IDUA: variants seen among roughly 807,000 people sequenced by gnomAD.
IDUA encodes the protein iduronidase alpha-L-.
A neutral mutation model predicts 68.9 loss-of-function variants in IDUA; 65 were observed. The ratio of observed to expected loss-of-function variants is 0.94; its 90% CI spans 0.77 to 1.16. The LOEUF (loss-of-function observed/expected upper bound fraction) is 1.16, where lower values mean the gene tolerates loss of function less well. Among genes scored for constraint, IDUA ranks in the 50% most tolerant of loss-of-function variants. IDUA has a pLI of 0.00. For synonymous variants in IDUA, 529 were observed against 433.6 expected, an observed-to-expected ratio of 1.22 and a Z score of -2.73; for missense variants, 1,046 against 938.0, an observed-to-expected ratio of 1.12 and a Z score of -1.50.
Position 987,911 on chromosome 4 carries a change from G to A in IDUA, c.261G>A (p.Gln87=), listed in dbSNP as rs766726384. ...CCGTCCCTCACCGCGGCATCAAGCA[G>A]GTCCGGACCCACTGGCTGCTGGAGC... is the stretch of plus-strand genomic sequence containing the variant. ...VGAVPHRGIK[Q]VRTHWLLELV... Residue 87 remains glutamine, a synonymous_variant, in exon 2 of 14, where the codon CAG becomes CAA. Transcript: ENST00000514224. 2 of 1,604,792 alleles carry A rather than the reference G, an allele frequency of 1.2e-6. No homozygotes were observed. Among genetic ancestry groups the A allele is most frequent in the East Asian group, 2.3e-5 (1 of 44,394 alleles).
rs752471622 is a variant in IDUA at position 990,153 on chromosome 4, G to A, written c.299+2204G>A. On this transcript the variant is annotated intron_variant, in intron 2 of 13. Coordinates refer to ENST00000514224, the MANE Select transcript of IDUA (RefSeq NM_000203.5). ...GGCACACCGTGCTGGTGACCACGTC[G>A]CACACGTTGGCCTGCCCGGCGCCGC... 1.2e-5 allele frequency: 18 copies of A among 1,563,906 alleles called. No individual in the cohort carries two copies. The East Asian group carries it at 1.7e-4, about 14-fold the overall frequency.
Position 1,002,571 on chromosome 4 carries a change from C to T in IDUA, c.1189+86C>T, listed in dbSNP as rs377511020. On this transcript the variant is annotated intron_variant, in intron 8 of 13. Transcript: ENST00000514224. ...CGAAGGCCCCGCTGCGGGGAGCGCACTTCCTCCAGCCGCGCGCTTCCCGGG... is the reference window on the plus strand; with the variant it reads ...CGAAGGCCCCGCTGCGGGGAGCGCATTTCCTCCAGCCGCGCGCTTCCCGGG... 632 of 1,290,874 alleles carry T rather than the reference C, an allele frequency of 4.9e-4. 4 individuals carry two copies. In the Middle Eastern group the frequency reaches 5.0e-3, roughly 10 times the overall value. 80.0% of individuals were successfully genotyped at this position (1,290,874 alleles called of 1,614,324 possible).
intron 8 of IDUA, 86 bp from the exon 9 acceptor site, chr4:1,002,646 G>T: frequency 1.7e-6 from 2 of 1,197,168 alleles, no homozygotes; most frequent in Non-Finnish European, 2.3e-6. Context: ...AAGGGGAGGG[G>T]GAGCGAGTGG....
chr4:990,865 A>G, intron 2 of IDUA: 2 of 492,536 alleles, frequency 4.1e-6, no homozygotes, highest in Admixed American at 7.4e-5. Context: ...CCACAGCCAC[A>G]CCTGGCCTGC....
rs1715312209 is a variant in IDUA, at chr4:1,004,304, T to C, written c.1873T>C (p.Tyr625His). The C allele has an allele frequency of 6.2e-7, 1 of 1,611,494 alleles. No individual in the cohort carries two copies. The highest frequency in any genetic ancestry group is 8.5e-7 in the Non-Finnish European group (1 of 1,179,954). The change falls in exon 14 of 14, where the codon TAC (tyrosine) becomes CAC (histidine). Residue 625 changes from tyrosine to histidine, a missense_variant. Tyr to His is a moderately conservative substitution (Grantham distance 83). Coordinates refer to ENST00000514224, the MANE Select transcript of IDUA (RefSeq NM_000203.5). The surrounding 1 kb of genome is among the most constrained non-coding windows in gnomAD (Gnocchi z 5.0). Reference protein sequence around the residue: ...SGSYRVRALDYWARPGPFSDP... With the variant: ...SGSYRVRALDHWARPGPFSDP... ...CTCCTACCGAGTTCGAGCCCTGGACTACTGGGCCCGACCAGGCCCCTTCTC... is the reference window on the plus strand; with the variant it reads ...CTCCTACCGAGTTCGAGCCCTGGACCACTGGGCCCGACCAGGCCCCTTCTC...
In IDUA at chr4:1,003,034, A is replaced by C; in HGVS notation, c.1403-2A>C. The C allele has an allele frequency of 6.7e-7, 1 of 1,494,316 alleles. No homozygotes were observed. Among genetic ancestry groups the C allele is most frequent in the Non-Finnish European group, 8.9e-7 (1 of 1,129,920 alleles). The allele number at this position is 1,494,316 out of a possible 1,614,324, so 92.6% of individuals were successfully genotyped here. ...CCGAGGCCTGAGTGTCAGGCCCCGC[A>C]GGCCTGGTCTACGTCACGCGCTACC... On this transcript the variant is annotated splice_acceptor_variant, in intron 9 of 13. Transcript: ENST00000514224. LOFTEE classifies it high-confidence loss of function.
rs1327654410 is a variant in IDUA, at chr4:1,002,719, C to G, written c.1190-13C>G. 6.9e-6 allele frequency: 10 copies of G among 1,451,996 alleles called. No individual in the cohort carries two copies. The South Asian group carries it at 1.0e-4, about 15-fold the overall frequency. 89.9% of individuals were successfully genotyped at this position (1,451,996 alleles called of 1,614,324 possible). ...ACGACCCCACGCGGCGACGGCCCCC[C>G]CCCGCCCCGCAGATGAGGAGCAGCT... On this transcript the variant is annotated splice_polypyrimidine_tract_variant and intron_variant, in intron 8 of 13. Transcript: ENST00000514224.
intron 1 of IDUA, 34 bp downstream of exon 1, chr4:987,276 C>T: frequency 2.0e-6 from 3 of 1,508,522 alleles, no homozygotes; most frequent in Non-Finnish European, 2.6e-6. Context: ...ACCCCCTGGC[C>T]GCACGGGGAG....
chr4:989,506 G>A lies in IDUA; in HGVS notation c.299+1557G>A, dbSNP rs771589744. 33 of 1,553,326 alleles carry A rather than the reference G, an allele frequency of 2.1e-5. No homozygotes were observed. Among genetic ancestry groups the A allele is most frequent in the Admixed American group, 1.9e-4 (10 of 51,540 alleles). On this transcript the variant is annotated intron_variant, in intron 2 of 13. Coordinates refer to ENST00000514224, the MANE Select transcript of IDUA (RefSeq NM_000203.5). ...TGTGCTGACCAGCATACAGGTGGCC[G>A]CGGTGCCTGCCCAGACCAGCGCGTC...
Position 990,030 on chromosome 4 carries a change from T to C in IDUA, c.299+2081T>C, listed in dbSNP as rs775847920. 9 of 1,594,002 alleles carry C rather than the reference T, an allele frequency of 5.6e-6. No individual in the cohort carries two copies. The South Asian group carries it at 6.8e-5, about 12-fold the overall frequency. ...GGAGCTGCCCGAAGTGCGACACGAG[T>C]GTGGCCACCACGATGACCAGCAGCT... On this transcript the variant is annotated intron_variant, in intron 2 of 13. Coordinates refer to ENST00000514224, the MANE Select transcript of IDUA (RefSeq NM_000203.5).
chr4:989,584 C>A (rs768788154), intron 2 of IDUA: 2 of 1,598,348 alleles, frequency 1.3e-6, no homozygotes, highest in South Asian at 1.1e-5. Context: ...GCGCAGGGCC[C>A]CCCGCAGGCT....
intron 2 of IDUA, among the ~76,000 whole-genome samples, chr4:997,427 C>T (rs1714805839): frequency 6.6e-6 from 1 of 151,548 alleles, no homozygotes; most frequent in Admixed American, 6.6e-5. Context: ...CACGCGCGGC[C>T]CCGCCCCGCG....
In IDUA at chr4:1,001,685, TGAACTACTAC is replaced by T. The variant is rs1715085023; in HGVS notation, c.599_608del (p.Asn200MetfsTer31). 1 of 1,601,380 alleles carries T rather than the reference TGAACTACTAC, an allele frequency of 6.2e-7. No homozygotes were observed. Among genetic ancestry groups the T allele is most frequent in the African/African-American group, 1.3e-5 (1 of 74,820 alleles). ...CAGTGCTCCCCCGGCCCAGGCTTCC[TGAACTACTAC>T]GATGCCTGCTCGGAGGGTCTGCGCG... On this transcript the variant is annotated frameshift_variant, in exon 6 of 14. Coordinates refer to ENST00000514224, the MANE Select transcript of IDUA (RefSeq NM_000203.5). LOFTEE classifies it high-confidence loss of function.
At position 989,546 on chromosome 4, in the gene IDUA, G is replaced by A. The variant is rs779422953; in HGVS notation, c.299+1597G>A. 4.6e-5 allele frequency: 73 copies of A among 1,570,562 alleles called. No homozygotes were observed. The East Asian group carries it at 1.3e-3, about 27-fold the overall frequency. On this transcript the variant is annotated intron_variant, in intron 2 of 13. Coordinates refer to ENST00000514224, the MANE Select transcript of IDUA (RefSeq NM_000203.5). ...ACCAGCGCGTCAGCCGGGCTCATCC[G>A]CCACAGCCGCGGGAGGTCCCACACC...
Position 1,004,341 on chromosome 4 carries a change from C to G in IDUA, c.1910C>G (p.Pro637Arg), listed in dbSNP as rs371369206. ...CCAGGCCCCTTCTCGGACCCTGTGC[C>G]GTACCTGGAGGTCCCTGTGCCAAGA... ...ARPGPFSDPVPYLEVPVPRGP... is the reference protein window; with the variant it reads ...ARPGPFSDPVRYLEVPVPRGP... Residue 637 changes from proline (P) to arginine (R), a missense_variant, in exon 14 of 14, where the codon CCG (proline) becomes CGG (arginine). Pro to Arg is a moderately radical substitution (Grantham distance 103). Transcript: ENST00000514224. This position sits in a 1 kb window ranked among gnomAD's most constrained non-coding sequence, Gnocchi z 5.0. 1 of 1,611,812 alleles carries G rather than the reference C, an allele frequency of 6.2e-7. No homozygotes were observed. The highest frequency in any genetic ancestry group is 8.5e-7 in the Non-Finnish European group (1 of 1,179,952).
chr4:991,443 G>A, intron 2 of IDUA: 1 of 1,612,662 alleles, frequency 6.2e-7, no homozygotes, highest in East Asian at 2.2e-5. Flanking sequence ...AGTAGGCGAT[G>A]GCCTGCGGCA....
intron 2 of IDUA, chr4:992,328 C>T (rs1038574765): frequency 6.4e-5 from 26 of 403,952 alleles, no homozygotes; most frequent in African/African-American, 4.9e-4. Flanking sequence ...CCTCCACCCA[C>T]CCCTCTGTCA....
At position 989,289 on chromosome 4, in the gene IDUA, G is replaced by C. The variant is rs534487901; in HGVS notation, c.299+1340G>C. On this transcript the variant is annotated intron_variant, in intron 2 of 13. Transcript: ENST00000514224. Reference sequence around the variant, plus strand: ...AGAGTGACTGCAGGAAGAAGTCCTTGTTGGCATAGTACAGCGGCCCCCCAA... The same window carrying C: ...AGAGTGACTGCAGGAAGAAGTCCTTCTTGGCATAGTACAGCGGCCCCCCAA... 1.2e-6 allele frequency: 2 copies of C among 1,612,654 alleles called. No homozygotes were observed. Among genetic ancestry groups the C allele is most frequent in the African/African-American group, 1.3e-5 (1 of 75,052 alleles).
At position 989,556 on chromosome 4, in the gene IDUA, C is replaced by T. The variant is rs759250829; in HGVS notation, c.299+1607C>T. ...CAGCCGGGCTCATCCGCCACAGCCG[C>T]GGGAGGTCCCACACCTTGCGCAGGG... On this transcript the variant is annotated intron_variant, in intron 2 of 13. Transcript: ENST00000514224. The T allele has an allele frequency of 1.2e-4, 189 of 1,579,480 alleles. No homozygotes were observed. The highest frequency in any genetic ancestry group is 5.1e-4 in the East Asian group (22 of 43,380).
Sources: allele counts gnomAD v4.1 joint callset (sites outside exome capture counted in the v4.1 genomes callset), GRCh38; gene constraint gnomAD v4.1.1; non-coding constraint Gnocchi (gnomAD v3.1); transcripts MANE v1.5; gene names NCBI Gene and HGNC (gene_info 2026-07-23, HGNC 2026-07-21).